Variants in ERGIC1 observed in about 807,000 individuals in gnomAD.
ERGIC1 encodes endoplasmic reticulum-golgi intermediate compartment 1, also known as endoplasmic reticulum-Golgi intermediate compartment protein 1.
In ERGIC1, 19 loss-of-function variants were observed where a neutral mutation model predicts 38.3. The observed-to-expected ratio is 0.50, with a 90% CI of 0.35 to 0.73. The LOEUF (loss-of-function observed/expected upper bound fraction) is 0.73, where lower values mean the gene tolerates loss of function less well. Among genes scored for constraint, ERGIC1 ranks in the 30% least tolerant of loss-of-function variants. ERGIC1 has a pLI of 0.01. For missense variants in ERGIC1, 294 were observed against 389.2 expected, an observed-to-expected ratio of 0.76 and a Z score of 2.06; for synonymous variants, 124 against 157.6, an observed-to-expected ratio of 0.79 and a Z score of 1.60.
At chr5:172,924,159 G>T (rs1436315760) in intron 6 of ERGIC1, 50 bp downstream of exon 6, 1 of 1,553,148 alleles carries the variant, frequency 6.4e-7, no homozygotes, top group Non-Finnish European at 8.8e-7. Flanking sequence ...GCCTTCAGGG[G>T]CTCTGTCACC....
chr5:172,847,276 T>G (rs897411974), intron 1 of ERGIC1, among the ~76,000 whole-genome samples: 5 of 152,084 alleles, frequency 3.3e-5, no homozygotes, highest in Admixed American at 2.6e-4. Context: ...TCACTTCTGC[T>G]CACACTCCTT....
chr5:172,842,324 T>C (rs373731976), intron 1 of ERGIC1, among the ~76,000 whole-genome samples: 69 of 152,374 alleles, frequency 4.5e-4, no homozygotes, highest in African/African-American at 1.6e-3. Context: ...CATAACGTAA[T>C]GTCCACCAGT....
intron 2 of ERGIC1, among the ~76,000 whole-genome samples, chr5:172,892,429 C>G (rs953003079): frequency 6.6e-6 from 1 of 152,180 alleles, no homozygotes; most frequent in Non-Finnish European, 1.5e-5. Flanking sequence ...TGGAGACTTA[C>G]AGCTCAGGGT....
intron 1 of ERGIC1, among the ~76,000 whole-genome samples, chr5:172,878,933 C>T (rs934645040): frequency 2.0e-5 from 3 of 152,160 alleles, no homozygotes; most frequent in African/African-American, 7.2e-5. Flanking sequence ...CCGAGGGCTC[C>T]GACAGGCTGG....
chr5:172,845,045 G>GGA (rs1285823531), intron 1 of ERGIC1, among the ~76,000 whole-genome samples: 5 of 149,792 alleles, frequency 3.3e-5, no homozygotes, highest in Non-Finnish European at 7.5e-5. Context: ...GGGGTATATA[G>GGA]GGGGGACAGG....
intron 3 of ERGIC1, among the ~76,000 whole-genome samples, chr5:172,908,676 G>GGGGAGCCCC (rs1763120296): frequency 6.6e-6 from 1 of 152,152 alleles, no homozygotes; most frequent in Non-Finnish European, 1.5e-5. Flanking sequence ...CCTAGAAGCT[G>GGGGAGCCCC]AAAAAGGCAA....
chr5:172,938,006 A>AAAAG (rs1554114178), intron 9 of ERGIC1: 35 of 152,270 alleles, frequency 2.3e-4, no homozygotes, highest in East Asian at 7.7e-4. Context: ...TCAAAAAAAA[A>AAAAG]AAAGAAAGAA....
intron 1 of ERGIC1, among the ~76,000 whole-genome samples, chr5:172,848,330 T>C (rs952560474): frequency 2.0e-5 from 3 of 152,100 alleles, no homozygotes; most frequent in African/African-American, 7.2e-5. Context: ...TATTTTCCAT[T>C]GTGATGAGTG....
At chr5:172,865,040 A>G (rs559530350) in intron 1 of ERGIC1, among the ~76,000 whole-genome samples, 11 of 145,548 alleles carry the variant, frequency 7.6e-5, no homozygotes, top group Middle Eastern at 3.6e-3. Flanking sequence ...AAATTGCTAT[A>G]GAAAGAAATT....
chr5:172,923,953 C>T (rs1317539905), intron 5 of ERGIC1, 52 bp from the exon 6 acceptor site: 2 of 1,540,172 alleles, frequency 1.3e-6, no homozygotes, highest in East Asian at 4.6e-5. Context: ...CCCCAATGTT[C>T]CGCCCCCTGG....
At chr5:172,865,074 T>TTG (rs1491387700) in intron 1 of ERGIC1, among the ~76,000 whole-genome samples, 6 of 79,912 alleles carry the variant, frequency 7.5e-5, no homozygotes, top group African/African-American at 2.3e-4. Context: ...TTTTTTTTTT[T>TTG]GAGACAGTCT....
chr5:172,883,009 T>C (rs28632798), intron 1 of ERGIC1, among the ~76,000 whole-genome samples: 11,409 of 152,218 alleles, frequency 0.075, 529 homozygotes, highest in Middle Eastern at 0.13. Context: ...CATAGCTCAC[T>C]GTAGCCTCAA....
chr5:172,895,206 T>C (rs1762692456), intron 2 of ERGIC1, among the ~76,000 whole-genome samples: 1 of 152,210 alleles, frequency 6.6e-6, no homozygotes, highest in African/African-American at 2.4e-5. Context: ...TAAGTCCTAC[T>C]CATGAGCTGA....
chr5:172,841,926 T>C (rs548487160), intron 1 of ERGIC1, among the ~76,000 whole-genome samples: 3 of 152,354 alleles, frequency 2.0e-5, no homozygotes, highest in African/African-American at 7.2e-5. Flanking sequence ...GTTTATCATG[T>C]AATCACCACC....
intron 1 of ERGIC1, among the ~76,000 whole-genome samples, chr5:172,887,668 C>T (rs921179258): frequency 6.6e-6 from 1 of 152,296 alleles, no homozygotes; most frequent in Non-Finnish European, 1.5e-5. Context: ...CCTGAATTCT[C>T]CCACTACACC....
intron 1 of ERGIC1, among the ~76,000 whole-genome samples, chr5:172,856,617 G>A (rs1048457576): frequency 2.0e-5 from 3 of 152,284 alleles, no homozygotes; most frequent in African/African-American, 4.8e-5. Context: ...TTGAGCATGC[G>A]TGTTGCTCAG....
chr5:172,894,416 G>A (rs793222), intron 2 of ERGIC1, among the ~76,000 whole-genome samples: 8 of 151,628 alleles, frequency 5.3e-5, no homozygotes, highest in Admixed American at 4.6e-4. Flanking sequence ...GGCTGGTCTC[G>A]AACTCTTGAC....
chr5:172,834,519 C>T lies in ERGIC1; in HGVS notation c.20+86C>T. On this transcript the variant is annotated intron_variant, in intron 1 of 9. Coordinates refer to ENST00000393784, the MANE Select transcript of ERGIC1 (RefSeq NM_001031711.3). This position sits in a 1 kb window ranked among gnomAD's most constrained non-coding sequence, Gnocchi z 4.1. ...CACGCCGCGGACCCCTCCCGCCCTG[C>T]ATGCAAAAGCGGCTCCCCGCCCTGT... The T allele has an allele frequency of 4.1e-6, 5 of 1,218,536 alleles. No homozygotes were observed. The highest frequency in any genetic ancestry group is 5.2e-6 in the Non-Finnish European group (5 of 970,606). The allele number at this position is 1,218,536 out of a possible 1,614,324, so 75.5% of individuals were successfully genotyped here.
intron 1 of ERGIC1, among the ~76,000 whole-genome samples, chr5:172,836,247 G>A (rs980171756): frequency 6.6e-6 from 1 of 152,172 alleles, no homozygotes; most frequent in African/African-American, 2.4e-5. Flanking sequence ...GGTGGCTTGT[G>A]GGGGCAGGTA....
Sources: allele counts gnomAD v4.1 joint callset (sites outside exome capture counted in the v4.1 genomes callset), GRCh38; gene constraint gnomAD v4.1.1; non-coding constraint Gnocchi (gnomAD v3.1); transcripts MANE v1.5; gene names NCBI Gene and HGNC (gene_info 2026-07-23, HGNC 2026-07-21).